DNAJC16: variants seen among roughly 807,000 people sequenced by gnomAD.
DNAJC16 encodes DnaJ heat shock protein family (Hsp40) member C16, also known as dnaJ homolog subfamily C member 16.
In DNAJC16, 76 loss-of-function variants were observed where a neutral mutation model predicts 92.7. That is an observed-to-expected ratio of 0.82 (90% CI 0.68 to 0.99). DNAJC16 has a LOEUF of 0.99. Among genes scored for constraint, DNAJC16 ranks in the 50% least tolerant of loss-of-function variants. The probability of loss-of-function intolerance (pLI) is 0.00; values close to 1 mark genes in which losing one functional copy is unlikely to be tolerated. For missense variants in DNAJC16, 869 were observed against 942.4 expected (o/e 0.92, Z 1.02); for synonymous variants, 328 against 358.7 (o/e 0.91, Z 0.97).
intron 13 of DNAJC16, chr1:15,566,670 G>A (rs1168664871): frequency 1.1e-5 from 2 of 174,834 alleles, no homozygotes; most frequent in Non-Finnish European, 1.2e-5. Context: ...GATTGCTTGA[G>A]CCCAGGGTTT....
chr1:15,566,484 C>T (rs1041134962), intron 13 of DNAJC16: 5 of 346,858 alleles, frequency 1.4e-5, no homozygotes, highest in Non-Finnish European at 2.1e-5. Flanking sequence ...CAGTCTTGTG[C>T]GCACACACAC....
chr1:15,563,663 TAAAAAAAA>T (rs57751838), intron 9 of DNAJC16, among the ~76,000 whole-genome samples: 12 of 53,182 alleles, frequency 2.3e-4, no homozygotes, highest in African/African-American at 8.1e-4. Context: ...CCATCTCTAC[TAAAAAAAA>T]AAAAAAAAAA....
At chr1:15,530,050 ATAT>A (rs144430152) in intron 2 of DNAJC16, among the ~76,000 whole-genome samples, 2,080 of 152,192 alleles carry the variant, frequency 0.014, 51 homozygotes, top group African/African-American at 0.047. Flanking sequence ...AAAATAGAAA[ATAT>A]TATATTTTGG....
chr1:15,548,177 T>G, intron 6 of DNAJC16, 93 bp from the exon 7 acceptor site: 1 of 1,289,444 alleles, frequency 7.8e-7, no homozygotes, highest in East Asian at 2.4e-5. Context: ...GGCATGTACC[T>G]CTCTGCTCAG....
chr1:15,544,799 GAATT>G (rs958289836), intron 5 of DNAJC16, among the ~76,000 whole-genome samples: 15 of 152,264 alleles, frequency 9.9e-5, no homozygotes, highest in African/African-American at 3.4e-4. Context: ...GAGACTGAAA[GAATT>G]AATTCCTATT....
At position 15,536,478 on chromosome 1, in the gene DNAJC16, C is replaced by T. The variant is rs547950256; in HGVS notation, c.238C>T (p.Leu80Phe). 3.2e-6 allele frequency: 5 copies of T among 1,572,548 alleles called. No homozygotes were observed. The highest frequency in any genetic ancestry group is 4.3e-6 in the Non-Finnish European group (5 of 1,163,462). The change falls in exon 4 of 15, where the codon CTT becomes TTT. Residue 80 changes from leucine to phenylalanine, a missense_variant. Transcript: ENST00000375847. The stretch of plus-strand genomic sequence containing the variant: ...AGATTTTTTTCTTCCTTTATAGATT[C>T]TTTCAAATGAAGAAAAGAGATCAAA... ...FIQISKAYEI[L>F]SNEEKRSNYD...
At chr1:15,544,657 ATT>A in intron 5 of DNAJC16, 74 bp downstream of exon 5, 1 of 1,463,346 alleles carries the variant, frequency 6.8e-7, no homozygotes, top group East Asian at 2.3e-5. Context: ...TGCCCAGAAC[ATT>A]TTCTGTAGTC....
At chr1:15,564,684 A>G (rs1397107469) in intron 11 of DNAJC16, among the ~76,000 whole-genome samples, 1 of 151,258 alleles carries the variant, frequency 6.6e-6, no homozygotes, top group African/African-American at 2.4e-5. Context: ...ACCTGTCACC[A>G]TGCCTGGCTA....
At chr1:15,548,141 G>GAGCTGTGT in intron 6 of DNAJC16, 129 bp from the exon 7 acceptor site, 1 of 778,510 alleles carries the variant, frequency 1.3e-6, no homozygotes, top group East Asian at 2.7e-5. Context: ...CAAGGATACG[G>GAGCTGTGT]AAGACCTAGT....
In DNAJC16 at chr1:15,564,197, G is replaced by A. The variant is rs1638758252; in HGVS notation, c.1521+86G>A. 3.2e-6 allele frequency: 5 copies of A among 1,558,258 alleles called. No homozygotes were observed. In the African/African-American group the frequency reaches 5.4e-5, roughly 17 times the overall value. The stretch of plus-strand genomic sequence containing the variant: ...TGGCGGATTTCTGCTCAGAGCAGAG[G>A]TCCAGCAGCAGCACTGTGTTGCAGG... On this transcript the variant is annotated intron_variant, in intron 10 of 14. Coordinates refer to ENST00000375847, the MANE Select transcript of DNAJC16 (RefSeq NM_015291.4).
chr1:15,554,657 G>A (rs1638524794), intron 7 of DNAJC16, among the ~76,000 whole-genome samples: 3 of 151,630 alleles, frequency 2.0e-5, no homozygotes, highest in African/African-American at 7.3e-5. Flanking sequence ...TTGGTCTTTT[G>A]TACTTTTTGT....
intron 3 of DNAJC16, 100 bp downstream of exon 3, chr1:15,534,403 T>C: frequency 1.7e-6 from 2 of 1,183,772 alleles, no homozygotes; most frequent in Non-Finnish European, 2.4e-6. Flanking sequence ...ATGTTCCCCA[T>C]GCCCTTGATG....
At chr1:15,559,794 T>C in intron 8 of DNAJC16, 138 bp downstream of exon 8, 1 of 1,262,610 alleles carries the variant, frequency 7.9e-7, no homozygotes, top group Non-Finnish European at 1.1e-6. Flanking sequence ...CCGGGCATGG[T>C]GGCTCATGCC....
Position 15,570,270 on chromosome 1 carries a change from A to G in DNAJC16, c.*2093A>G, listed in dbSNP as rs1638918763. On this transcript the variant is annotated 3_prime_UTR_variant, in exon 15 of 15. Coordinates refer to ENST00000375847, the MANE Select transcript of DNAJC16 (RefSeq NM_015291.4). ...TAGGTATTTTATGGCCAGATTGCTT[A>G]TATGAGTGGTCTTTTGGTTTGGTAG... 1 of 152,244 alleles carries G rather than the reference A, an allele frequency of 6.6e-6. No homozygotes were observed. Among genetic ancestry groups the G allele is most frequent in the Admixed American group, 6.5e-5 (1 of 15,280 alleles). 9.4% of individuals were successfully genotyped at this position (152,244 alleles called of 1,614,324 possible).
chr1:15,544,725 TACTC>T, intron 5 of DNAJC16, 142 bp downstream of exon 5: 1 of 766,478 alleles, frequency 1.3e-6, no homozygotes, highest in Non-Finnish European at 2.1e-6. Context: ...ATTAATTAAT[TACTC>T]AAACTAAATC....
chr1:15,542,525 G>A (rs892055794), intron 4 of DNAJC16, among the ~76,000 whole-genome samples: 2 of 152,112 alleles, frequency 1.3e-5, no homozygotes, highest in Admixed American at 6.5e-5. Flanking sequence ...TAACCATAAG[G>A]AATGTTCCCC....
chr1:15,564,992 G>A (rs971859951), intron 11 of DNAJC16, among the ~76,000 whole-genome samples: 2 of 150,880 alleles, frequency 1.3e-5, no homozygotes, highest in East Asian at 3.9e-4. Flanking sequence ...CCACCACCAT[G>A]CCCAGCTAAT....
At chr1:15,552,021 T>C (rs1638454944) in intron 7 of DNAJC16, among the ~76,000 whole-genome samples, 1 of 141,996 alleles carries the variant, frequency 7.0e-6, no homozygotes, top group Non-Finnish European at 1.5e-5. Flanking sequence ...AGAATGAGAC[T>C]CTGTCTCAAA....
At position 15,566,087 on chromosome 1, in the gene DNAJC16, C is replaced by G; in HGVS notation, c.1685C>G (p.Ser562Cys). ...GTVIVQAFSD[S>C]NDERESSPPE... ...CTCCTTTTTTCTTACTTTAGCGACT[C>G]TAATGATGAGCGAGAGTCAAGCCCT... Residue 562 changes from serine (S) to cysteine (C), a missense_variant, in exon 13 of 15, where the codon TCT becomes TGT. Coordinates refer to ENST00000375847, the MANE Select transcript of DNAJC16 (RefSeq NM_015291.4). The G allele has an allele frequency of 1.2e-6, 2 of 1,613,780 alleles. No individual in the cohort carries two copies. Among genetic ancestry groups the G allele is most frequent in the Middle Eastern group, 1.6e-4 (1 of 6,062 alleles).
Sources: gnomAD v4.1 joint callset for allele counts (sites outside exome capture counted in the v4.1 genomes callset) on GRCh38, gnomAD v4.1.1 for gene constraint, MANE v1.5 for transcripts, NCBI Gene and HGNC (gene_info 2026-07-23, HGNC 2026-07-21) for gene names.